Variants in TMEM200A observed in about 807,000 individuals in gnomAD.
The protein encoded by TMEM200A is transmembrane protein 200A, also known as two transmembrane C.
TMEM200A carries 12 observed loss-of-function variants against 24.3 expected under a neutral mutation model. The observed-to-expected ratio is 0.49, with a 90% CI of 0.32 to 0.80. The LOEUF (loss-of-function observed/expected upper bound fraction) is 0.80, where lower values mean the gene tolerates loss of function less well. Ranked by LOEUF, TMEM200A falls within the 30% of genes least tolerant of loss-of-function variation. TMEM200A has a pLI of 0.04. For missense variants in TMEM200A, 545 were observed against 614.4 expected (o/e 0.89, Z 1.19); for synonymous variants, 224 against 224.4 (o/e 1.00, Z 0.02).
chr6:130,436,465 T>C (rs971652318), intron 2 of TMEM200A, among the ~76,000 whole-genome samples: 6 of 146,950 alleles, frequency 4.1e-5, no homozygotes, highest in Non-Finnish European at 5.9e-5. Flanking sequence ...ATGGAGGGCA[T>C]GTAGCTTTGC....
chr6:130,416,403 A>G (rs185198419), intron 2 of TMEM200A, among the ~76,000 whole-genome samples: 1 of 152,254 alleles, frequency 6.6e-6, no homozygotes, highest in Non-Finnish European at 1.5e-5. Flanking sequence ...GTAAGAACCA[A>G]TAACATATTC....
At chr6:130,381,415 A>G (rs1397950184) in intron 1 of TMEM200A, among the ~76,000 whole-genome samples, 5 of 152,208 alleles carry the variant, frequency 3.3e-5, no homozygotes, top group African/African-American at 1.2e-4. Flanking sequence ...TGGGTGAACC[A>G]TCTCTGAAGA....
intron 2 of TMEM200A, among the ~76,000 whole-genome samples, chr6:130,393,196 G>GT (rs1387915284): frequency 6.6e-6 from 1 of 152,210 alleles, no homozygotes. Flanking sequence ...TCCTAGCTGA[G>GT]TAAGTTAATC....
At chr6:130,433,652 G>T (rs944937300) in intron 2 of TMEM200A, among the ~76,000 whole-genome samples, 20 of 152,006 alleles carry the variant, frequency 1.3e-4, no homozygotes, top group Admixed American at 3.9e-4. Context: ...TACCACATGG[G>T]GTTTTTATAT....
At chr6:130,400,324 C>T (rs1779054653) in intron 2 of TMEM200A, among the ~76,000 whole-genome samples, 1 of 152,054 alleles carries the variant, frequency 6.6e-6, no homozygotes, top group Non-Finnish European at 1.5e-5. Context: ...GGAATCCCTA[C>T]ACTGCTTTCC....
At chr6:130,397,940 A>C (rs1778989229) in intron 2 of TMEM200A, among the ~76,000 whole-genome samples, 1 of 151,544 alleles carries the variant, frequency 6.6e-6, no homozygotes, top group South Asian at 2.1e-4. Flanking sequence ...TTTTTACATG[A>C]ATTATTTTTC....
Position 130,441,535 on chromosome 6 carries a change from G to A in TMEM200A, c.1113G>A (p.Gln371=), listed in dbSNP as rs757892371. ...SSMALGPGAG[Q]LLSPGAARRQ... ...TGGCTCTCGGACCTGGGGCTGGACAGCTCTTGTCTCCTGGGGCTGCCAGAA... is the reference window on the plus strand; with the variant it reads ...TGGCTCTCGGACCTGGGGCTGGACAACTCTTGTCTCCTGGGGCTGCCAGAA... Residue 371 remains glutamine, a synonymous_variant, in exon 3 of 3, where the codon CAG becomes CAA. Coordinates refer to ENST00000296978, the MANE Select transcript of TMEM200A (RefSeq NM_001258277.2). The A allele has an allele frequency of 1.9e-6, 3 of 1,614,066 alleles. No homozygotes were observed. In the South Asian group the frequency reaches 3.3e-5, roughly 18 times the overall value.
At chr6:130,396,877 C>T (rs527698463) in intron 2 of TMEM200A, among the ~76,000 whole-genome samples, 11 of 152,200 alleles carry the variant, frequency 7.2e-5, no homozygotes, top group South Asian at 2.1e-4. Context: ...CTTCTTCCCC[C>T]GGCATTCCAT....
At chr6:130,410,600 T>C (rs1028452717) in intron 2 of TMEM200A, among the ~76,000 whole-genome samples, 1 of 152,226 alleles carries the variant, frequency 6.6e-6, no homozygotes, top group Non-Finnish European at 1.5e-5. Flanking sequence ...AGAACCCATG[T>C]ACAAAAATGA....
intron 1 of TMEM200A, among the ~76,000 whole-genome samples, chr6:130,373,375 T>C (rs1778364849): frequency 6.6e-6 from 1 of 152,230 alleles, no homozygotes; most frequent in Non-Finnish European, 1.5e-5. Context: ...TGTAATCCTA[T>C]GACCCAAAGG....
intron 2 of TMEM200A, among the ~76,000 whole-genome samples, chr6:130,433,714 C>A (rs1050941145): frequency 3.3e-5 from 5 of 152,146 alleles, no homozygotes; most frequent in African/African-American, 1.2e-4. Flanking sequence ...TTCCTTTGGG[C>A]AGACAGCCTC....
chr6:130,389,385 C>T (rs1778784422), intron 2 of TMEM200A, among the ~76,000 whole-genome samples: 1 of 151,522 alleles, frequency 6.6e-6, no homozygotes, highest in African/African-American at 2.4e-5. Flanking sequence ...TCTCTTGACA[C>T]TGTGTCACGT....
At chr6:130,398,491 T>C (rs979864926) in intron 2 of TMEM200A, among the ~76,000 whole-genome samples, 1 of 151,936 alleles carries the variant, frequency 6.6e-6, no homozygotes, top group Non-Finnish European at 1.5e-5. Flanking sequence ...ATACACTCAG[T>C]AGAATATACT....
At chr6:130,370,789 T>C (rs1778304118) in intron 1 of TMEM200A, among the ~76,000 whole-genome samples, 1 of 152,156 alleles carries the variant, frequency 6.6e-6, no homozygotes, top group South Asian at 2.1e-4. Context: ...CCCTGTGCCT[T>C]ATTTCCAGCC....
intron 2 of TMEM200A, among the ~76,000 whole-genome samples, chr6:130,434,882 C>T (rs1202423334): frequency 6.6e-6 from 1 of 152,066 alleles, no homozygotes; most frequent in Non-Finnish European, 1.5e-5. Flanking sequence ...TACAGATGAT[C>T]TCCAAGACCC....
chr6:130,383,322 C>A (rs1778644611), intron 1 of TMEM200A, among the ~76,000 whole-genome samples: 1 of 152,212 alleles, frequency 6.6e-6, no homozygotes, highest in Admixed American at 6.5e-5. Context: ...AGGTGAGCAG[C>A]AAGTTCCAAC....
intron 2 of TMEM200A, among the ~76,000 whole-genome samples, chr6:130,426,966 AT>A (rs1194947084): frequency 1.3e-5 from 2 of 152,226 alleles, no homozygotes; most frequent in South Asian, 2.1e-4. Flanking sequence ...ATAATGTGTC[AT>A]AAATAAGTCT....
At chr6:130,372,831 G>T (rs1554280049) in intron 1 of TMEM200A, among the ~76,000 whole-genome samples, 1 of 152,176 alleles carries the variant, frequency 6.6e-6, no homozygotes, top group South Asian at 2.1e-4. Context: ...GTATTTATGA[G>T]AACCTTGTAG....
At chr6:130,391,536 A>G (rs935856740) in intron 2 of TMEM200A, among the ~76,000 whole-genome samples, 3 of 152,060 alleles carry the variant, frequency 2.0e-5, no homozygotes, top group African/African-American at 7.2e-5. Flanking sequence ...CTCTGTAGCA[A>G]TTCCCATACC....
Sources: gnomAD v4.1 joint callset for allele counts (sites outside exome capture counted in the v4.1 genomes callset) on GRCh38, gnomAD v4.1.1 for gene constraint, MANE v1.5 for transcripts, NCBI Gene and HGNC (gene_info 2026-07-23, HGNC 2026-07-21) for gene names.